NDST1: variants seen among roughly 807,000 people sequenced by gnomAD.
NDST1 encodes N-deacetylase and N-sulfotransferase 1.
NDST1 carries 35 observed loss-of-function variants against 92.8 expected under a neutral mutation model. That is an observed-to-expected ratio of 0.38 (90% confidence interval 0.29 to 0.50). The LOEUF is 0.50. Among genes scored for constraint, NDST1 ranks in the 20% least tolerant of loss-of-function variants. NDST1 has a pLI of 0.94. For missense variants in NDST1, 822 were observed against 1,182.7 expected (o/e 0.69, Z 4.47); for synonymous variants, 493 against 500.3 (o/e 0.99, Z 0.19).
intron 2 of NDST1, among the ~76,000 whole-genome samples, chr5:150,524,571 G>T (rs572425509): frequency 1.3e-5 from 2 of 152,344 alleles, no homozygotes; most frequent in South Asian, 4.1e-4. Context: ...TGCTTTGCAG[G>T]CATTTCATGG....
intron 4 of NDST1, among the ~76,000 whole-genome samples, chr5:150,534,342 G>A (rs1341098905): frequency 1.3e-5 from 2 of 152,176 alleles, no homozygotes; most frequent in Non-Finnish European, 2.9e-5. Flanking sequence ...AGGCTCAAAC[G>A]ATCCTCCCAC....
chr5:150,522,104 AG>A (rs1754263939), intron 2 of NDST1, among the ~76,000 whole-genome samples: 1 of 152,192 alleles, frequency 6.6e-6, no homozygotes, highest in African/African-American at 2.4e-5. Flanking sequence ...AATCTCCCCT[AG>A]GGAGGGCGTG....
chr5:150,525,764 C>T (rs541688851), intron 2 of NDST1, among the ~76,000 whole-genome samples: 2 of 152,296 alleles, frequency 1.3e-5, no homozygotes, highest in African/African-American at 4.8e-5. Flanking sequence ...CTGCCCCCGC[C>T]ACTGACCTGC....
At chr5:150,533,158 C>G in intron 4 of NDST1, 126 bp downstream of exon 4, 1 of 935,448 alleles carries the variant, frequency 1.1e-6, no homozygotes, top group Non-Finnish European at 1.7e-6. Context: ...AGAGGTGACC[C>G]CTCTGCCCCC....
chr5:150,526,189 C>T (rs901070088), intron 2 of NDST1, among the ~76,000 whole-genome samples: 11 of 152,198 alleles, frequency 7.2e-5, no homozygotes, highest in Admixed American at 6.5e-5. Flanking sequence ...TCCAGGAGAC[C>T]TCCTGAGCCC....
chr5:150,515,812 G>A (rs1262913880), intron 1 of NDST1, among the ~76,000 whole-genome samples: 2 of 152,198 alleles, frequency 1.3e-5, no homozygotes, highest in Non-Finnish European at 2.9e-5. Flanking sequence ...TACCTCTTGA[G>A]CCACGGGAGT....
intron 6 of NDST1, among the ~76,000 whole-genome samples, chr5:150,538,745 C>T (rs1581395506): frequency 1.3e-5 from 2 of 152,160 alleles, no homozygotes; most frequent in East Asian, 3.9e-4. Context: ...GTCCTCAACC[C>T]TGAACTCCAG....
intron 13 of NDST1, among the ~76,000 whole-genome samples, chr5:150,551,090 A>G (rs1027411088): frequency 2.0e-5 from 3 of 152,200 alleles, no homozygotes; most frequent in African/African-American, 7.2e-5. Context: ...CCTCATGCTC[A>G]AGAATCTCCT....
intron 6 of NDST1, among the ~76,000 whole-genome samples, chr5:150,537,365 G>A (rs6863212): frequency 0.035 from 5,283 of 152,306 alleles, 315 homozygotes; most frequent in African/African-American, 0.12. Flanking sequence ...AAATATCGCT[G>A]AATTCTTTTT....
At chr5:150,520,834 A>G (rs1005594334) in intron 1 of NDST1, 34 bp from the exon 2 acceptor site, 2 of 412,650 alleles carry the variant, frequency 4.8e-6, no homozygotes, top group Non-Finnish European at 8.6e-6. Context: ...TGAAGCCCGC[A>G]CTCTGACGCT....
chr5:150,530,276 C>T (rs1045624731), intron 3 of NDST1, among the ~76,000 whole-genome samples: 1 of 152,194 alleles, frequency 6.6e-6, no homozygotes, highest in Admixed American at 6.5e-5. Context: ...CTTAAAGGCT[C>T]TCCTGTTTAA....
intron 6 of NDST1, among the ~76,000 whole-genome samples, 181 bp downstream of exon 6, chr5:150,536,066 C>T (rs1162475151): frequency 6.6e-6 from 1 of 152,228 alleles, no homozygotes; most frequent in Non-Finnish European, 1.5e-5. Context: ...GCTGCCACTC[C>T]GACCCCTTTC....
At chr5:150,540,672 C>T (rs1439519645) in intron 8 of NDST1, among the ~76,000 whole-genome samples, 3 of 151,968 alleles carry the variant, frequency 2.0e-5, no homozygotes, top group East Asian at 1.9e-4. Context: ...AAAAATTAGC[C>T]GGGCATGATG....
At chr5:150,540,523 A>G (rs755112427) in intron 8 of NDST1, among the ~76,000 whole-genome samples, 7 of 152,144 alleles carry the variant, frequency 4.6e-5, no homozygotes, top group Non-Finnish European at 7.4e-5. Flanking sequence ...ACAGTGTTAA[A>G]AAAACGAGTG....
At chr5:150,498,655 C>T (rs1302732823) in intron 1 of NDST1, among the ~76,000 whole-genome samples, 1 of 152,216 alleles carries the variant, frequency 6.6e-6, no homozygotes, top group East Asian at 1.9e-4. Flanking sequence ...TTCTCAACCT[C>T]CTTTTGTCCC....
chr5:150,540,669 A>G (rs894777015), intron 8 of NDST1, among the ~76,000 whole-genome samples: 3 of 152,138 alleles, frequency 2.0e-5, no homozygotes, highest in African/African-American at 7.2e-5. Flanking sequence ...TACAAAAATT[A>G]GCCGGGCATG....
chr5:150,514,560 C>CAAAA (rs34675841), intron 1 of NDST1, among the ~76,000 whole-genome samples: 1 of 55,074 alleles, frequency 1.8e-5, no homozygotes, highest in East Asian at 5.4e-4. Flanking sequence ...GACTCCGTCT[C>CAAAA]AAAAAAAAAA....
rs367573471 is a variant in NDST1 at position 150,530,773 on chromosome 5, C to T, written c.1009-2172C>T. 1.3e-4 allele frequency among the ~76,000 whole-genome samples: 19 copies of T among 151,976 alleles called. 1 individual carries two copies. The South Asian group carries it at 1.5e-3, about 12-fold the overall frequency. Reference sequence around the variant, plus strand: ...CCAGGTTTTGCCATATTGCCCAGGCCGATCTGGAACTCCTGGAGTCAAGTG... The same window carrying T: ...CCAGGTTTTGCCATATTGCCCAGGCTGATCTGGAACTCCTGGAGTCAAGTG... On this transcript the variant is annotated intron_variant, in intron 3 of 14. Coordinates refer to ENST00000261797, the MANE Select transcript of NDST1 (RefSeq NM_001543.5).
chr5:150,506,016 G>T (rs761833482), upstream of NDST1, among the ~76,000 whole-genome samples: 1 of 152,194 alleles, frequency 6.6e-6, no homozygotes, highest in Non-Finnish European at 1.5e-5. Flanking sequence ...TCACAGGCAG[G>T]TTGTGTAAGA....
Sources: allele counts gnomAD v4.1 joint callset (sites outside exome capture counted in the v4.1 genomes callset), GRCh38; gene constraint gnomAD v4.1.1; transcripts MANE v1.5; gene names NCBI Gene and HGNC (gene_info 2026-07-23, HGNC 2026-07-21).